The following ASTN2 variants were observed in gnomAD, a reference collection of about 807,000 sequenced individuals.
ASTN2 encodes the protein astrotactin 2, also known as astrotactin-2.
ASTN2 carries 54 observed loss-of-function variants against 139.8 expected under a neutral mutation model. The ratio of observed to expected loss-of-function variants is 0.39; its 90% CI spans 0.31 to 0.48. The LOEUF is 0.48. Ranked by LOEUF, ASTN2 falls within the 20% of genes least tolerant of loss-of-function variation. ASTN2 has a pLI of 0.95. For synonymous variants in ASTN2, 756 were observed against 719.5 expected, an observed-to-expected ratio of 1.05 and a Z score of -0.81; for missense variants, 1,565 against 1,725.1, an observed-to-expected ratio of 0.91 and a Z score of 1.64.
intron 7 of ASTN2, among the ~76,000 whole-genome samples, chr9:116,988,183 G>A (rs1414259938): frequency 6.6e-6 from 1 of 152,212 alleles, no homozygotes; most frequent in Non-Finnish European, 1.5e-5. Context: ...TTTAAAAGTA[G>A]AGAAGACAGG....
At chr9:117,029,806 C>A (rs1588494572) in intron 6 of ASTN2, among the ~76,000 whole-genome samples, 1 of 151,976 alleles carries the variant, frequency 6.6e-6, no homozygotes, top group East Asian at 1.9e-4. Context: ...GAGGCCAACC[C>A]CCCTAATATT....
intron 4 of ASTN2, among the ~76,000 whole-genome samples, chr9:117,139,449 C>T (rs1830023497): frequency 6.6e-6 from 1 of 152,216 alleles, no homozygotes; most frequent in South Asian, 2.1e-4. Flanking sequence ...AAGGTGACTG[C>T]TCTGTATCAC....
At chr9:117,410,652 T>C (rs1831134312) in intron 1 of ASTN2, among the ~76,000 whole-genome samples, 1 of 152,180 alleles carries the variant, frequency 6.6e-6, no homozygotes, top group African/African-American at 2.4e-5. Flanking sequence ...CATTTTAGCA[T>C]TCCACTTTTC....
chr9:117,070,312 T>G, intron 5 of ASTN2, among the ~76,000 whole-genome samples: 1 of 104,852 alleles, frequency 9.5e-6, no homozygotes. Context: ...GAAAATTCTT[T>G]TCTTTAAGAA....
At chr9:116,518,498 G>T (rs1227893924) in intron 19 of ASTN2, among the ~76,000 whole-genome samples, 1 of 152,042 alleles carries the variant, frequency 6.6e-6, no homozygotes, top group African/African-American at 2.4e-5. Flanking sequence ...TACAAGAACT[G>T]CTAAAAGGAG....
chr9:116,922,394 T>A (rs1479907761), intron 10 of ASTN2, among the ~76,000 whole-genome samples: 4 of 152,208 alleles, frequency 2.6e-5, no homozygotes, highest in Admixed American at 1.3e-4. Flanking sequence ...TAATGACTCA[T>A]TTAAGCCTTG....
At chr9:117,377,796 T>C (rs145257251) in intron 1 of ASTN2, among the ~76,000 whole-genome samples, 1 of 152,274 alleles carries the variant, frequency 6.6e-6, no homozygotes, top group East Asian at 1.9e-4. Context: ...AATATTCTAA[T>C]GTTGAAAGAT....
chr9:116,879,940 G>T (rs567553139), intron 10 of ASTN2, among the ~76,000 whole-genome samples: 13 of 152,190 alleles, frequency 8.5e-5, no homozygotes, highest in Admixed American at 7.8e-4. Context: ...AAAATCAAAT[G>T]AAAAGGCATT....
chr9:116,563,897 G>GT (rs1853052433), intron 19 of ASTN2, among the ~76,000 whole-genome samples: 2 of 152,114 alleles, frequency 1.3e-5, no homozygotes, highest in Non-Finnish European at 2.9e-5. Flanking sequence ...CTGGTACATA[G>GT]TAAGAACTCA....
At chr9:116,756,033 T>C (rs1307846247) in intron 13 of ASTN2, among the ~76,000 whole-genome samples, 1 of 152,234 alleles carries the variant, frequency 6.6e-6, no homozygotes, top group Non-Finnish European at 1.5e-5. Flanking sequence ...TACATGTGTG[T>C]TCTTTTAATC....
At chr9:117,339,444 A>G (rs1449559189) in intron 1 of ASTN2, among the ~76,000 whole-genome samples, 1 of 152,046 alleles carries the variant, frequency 6.6e-6, no homozygotes, top group Non-Finnish European at 1.5e-5. Flanking sequence ...ATGCACACAC[A>G]CACAGTCCGC....
intron 13 of ASTN2, among the ~76,000 whole-genome samples, chr9:116,796,952 C>T (rs1408630808): frequency 6.6e-6 from 1 of 151,992 alleles, no homozygotes; most frequent in Non-Finnish European, 1.5e-5. Flanking sequence ...GCTGTGACTA[C>T]TGCTGCACAA....
At chr9:116,856,376 G>A (rs1255500800) in intron 11 of ASTN2, among the ~76,000 whole-genome samples, 6 of 152,324 alleles carry the variant, frequency 3.9e-5, no homozygotes, top group Non-Finnish European at 4.4e-5. Context: ...TACATGCCCA[G>A]GCAGGCAGGG....
intron 22 of ASTN2, among the ~76,000 whole-genome samples, chr9:116,431,656 G>A (rs749258755): frequency 8.5e-5 from 13 of 152,104 alleles, no homozygotes; most frequent in Non-Finnish European, 1.2e-4. Context: ...AACAATCTGC[G>A]GGTCAGAGAT....
At chr9:116,748,281 G>T (rs1829302603) in intron 13 of ASTN2, among the ~76,000 whole-genome samples, 1 of 152,132 alleles carries the variant, frequency 6.6e-6, no homozygotes, top group South Asian at 2.1e-4. Context: ...AGATCTGCAG[G>T]GCCAGAGTGA....
At chr9:116,908,090 C>T (rs111330419) in intron 10 of ASTN2, among the ~76,000 whole-genome samples, 6,674 of 152,124 alleles carry the variant, frequency 0.044, 302 homozygotes, top group African/African-American at 0.11. Context: ...CAGGGTGAGG[C>T]GTGTGGGCGA....
chr9:117,273,227 A>G (rs1416355672), intron 2 of ASTN2, among the ~76,000 whole-genome samples: 4 of 152,188 alleles, frequency 2.6e-5, no homozygotes, highest in Admixed American at 2.0e-4. Context: ...CTTATTCACT[A>G]TCATGAGAAT....
At chr9:116,850,944 C>T (rs1832581624) in intron 11 of ASTN2, among the ~76,000 whole-genome samples, 1 of 152,178 alleles carries the variant, frequency 6.6e-6, no homozygotes, top group African/African-American at 2.4e-5. Flanking sequence ...GGATCCAAAG[C>T]ATCATTTTCT....
chr9:117,188,184 G>T (rs1319117329), intron 3 of ASTN2, among the ~76,000 whole-genome samples: 2 of 66,820 alleles, frequency 3.0e-5, no homozygotes, highest in African/African-American at 5.4e-5. Flanking sequence ...GAGAGAGAGA[G>T]AGAGAGAGAC....
Sources: gnomAD v4.1 joint callset for allele counts (sites outside exome capture counted in the v4.1 genomes callset) on GRCh38, gnomAD v4.1.1 for gene constraint, MANE v1.5 for transcripts, NCBI Gene and HGNC (gene_info 2026-07-23, HGNC 2026-07-21) for gene names.